SLBP: variants seen among roughly 807,000 people sequenced by gnomAD.
SLBP encodes the protein histone RNA hairpin-binding protein.
In SLBP, 29 loss-of-function variants were observed where a neutral mutation model predicts 39.2. That is an observed-to-expected ratio of 0.74 (90% CI 0.55 to 1.01). The LOEUF is 1.01. SLBP is among the 50% of genes least tolerant of loss of function. The pLI, the probability that SLBP is intolerant of heterozygous loss-of-function variation, is 0.00. For synonymous variants in SLBP, 129 were observed against 118.7 expected, an observed-to-expected ratio of 1.09 and a Z score of -0.57; for missense variants, 390 against 350.2, an observed-to-expected ratio of 1.11 and a Z score of -0.91.
Position 1,696,348 on chromosome 4 carries a change from G to A in SLBP, c.483C>T (p.His161=), listed in dbSNP as rs959439540. 1.0e-5 allele frequency: 16 copies of A among 1,571,322 alleles called. No individual in the cohort carries two copies. Among genetic ancestry groups the A allele is most frequent in the African/African-American group, 4.1e-5 (3 of 72,534 alleles). ...YDRYIKEVPR[H]LRQPGIHPKT... ...TGGGATGAATGCCAGGTTGTCGAAG[G>A]TGTCTACAGGAGAAAGATTATTCTA... Residue 161 remains histidine (H), a synonymous_variant, in exon 6 of 8, where the codon CAC becomes CAT. Coordinates refer to ENST00000489418, the MANE Select transcript of SLBP (RefSeq NM_006527.4).
chr4:1,705,519 C>G (rs1716484777), intron 2 of SLBP, among the ~76,000 whole-genome samples: 1 of 152,156 alleles, frequency 6.6e-6, no homozygotes, highest in South Asian at 2.1e-4. Flanking sequence ...TATCATGGGA[C>G]TGTCTTTAGT....
chr4:1,701,904 C>A (rs1201733257), intron 3 of SLBP, among the ~76,000 whole-genome samples: 1 of 152,110 alleles, frequency 6.6e-6, no homozygotes, highest in Non-Finnish European at 1.5e-5. Flanking sequence ...AAGACTCCAT[C>A]TCAAAAAAAT....
chr4:1,711,846 C>A (rs1336970996), intron 2 of SLBP, 28 bp downstream of exon 2: 1 of 1,224,160 alleles, frequency 8.2e-7, no homozygotes, highest in Non-Finnish European at 1.0e-6. Context: ...GGCCCCACCG[C>A]GCCCCGACCC....
chr4:1,709,461 G>C (rs1247878987), intron 2 of SLBP, among the ~76,000 whole-genome samples: 2 of 152,208 alleles, frequency 1.3e-5, no homozygotes, highest in African/African-American at 2.4e-5. Flanking sequence ...AATGTGGACA[G>C]ATTTGCAGGC....
At position 1,699,686 on chromosome 4, in the gene SLBP, C is replaced by T. The variant is rs151103970; in HGVS notation, c.357G>A (p.Glu119=). The T allele has an allele frequency of 3.3e-5, 54 of 1,613,690 alleles. No homozygotes were observed. The highest frequency in any genetic ancestry group is 4.3e-5 in the Non-Finnish European group (51 of 1,179,802). ...AGTCAGCCGGCACAGTAGACATAGA[C>T]TCCTTTGAATCAGAACTGAAAAAAC... ...KSSSGSSDSK[E]SMSTVPADFE... Residue 119 remains glutamate, a synonymous_variant, in exon 5 of 8, where the codon GAG becomes GAA. Transcript: ENST00000489418.
At position 1,703,650 on chromosome 4, in the gene SLBP, G is replaced by C. The variant is rs775011181; in HGVS notation, c.227C>G (p.Ala76Gly). The change falls in exon 3 of 8, where the codon GCA becomes GGA. Residue 76 changes from alanine to glycine, a missense_variant. Transcript: ENST00000489418. ...CATTTCATCTTCTTCAACTGCACTTGCCCAGTCAGAGCATCTGGAACGGGG... is the reference window on the plus strand; with the variant it reads ...CATTTCATCTTCTTCAACTGCACTTCCCCAGTCAGAGCATCTGGAACGGGG... ...PKPRSRCSDW[A>G]SAVEEDEMRT... 1.9e-6 allele frequency: 3 copies of C among 1,613,788 alleles called. No homozygotes were observed. Among genetic ancestry groups the C allele is most frequent in the Non-Finnish European group, 2.5e-6 (3 of 1,179,792 alleles).
At chr4:1,696,095 AGCT>A (rs1716094038) in intron 6 of SLBP, 104 bp downstream of exon 6, 2 of 942,986 alleles carry the variant, frequency 2.1e-6, no homozygotes, top group South Asian at 4.0e-5. Flanking sequence ...GCTCCCCAAC[AGCT>A]GCTGGGGGAC....
chr4:1,697,247 C>G (rs1362088677), intron 5 of SLBP, among the ~76,000 whole-genome samples: 2 of 146,066 alleles, frequency 1.4e-5, no homozygotes, highest in Non-Finnish European at 3.0e-5. Flanking sequence ...GCAGGCAGAT[C>G]ACCTGAGATC....
chr4:1,710,499 G>T (rs1404215419), intron 2 of SLBP, among the ~76,000 whole-genome samples: 1 of 152,200 alleles, frequency 6.6e-6, no homozygotes, highest in Non-Finnish European at 1.5e-5. Context: ...GACATACCTA[G>T]AAGAACACGA....
chr4:1,702,617 T>A (rs1036743422), intron 3 of SLBP, among the ~76,000 whole-genome samples: 1 of 152,226 alleles, frequency 6.6e-6, no homozygotes, highest in Non-Finnish European at 1.5e-5. Flanking sequence ...CAACTGGGTT[T>A]GAGTTAGACA....
chr4:1,695,026 G>A (rs904402421), intron 6 of SLBP, among the ~76,000 whole-genome samples, 186 bp from the exon 7 acceptor site: 1 of 152,194 alleles, frequency 6.6e-6, no homozygotes, highest in Non-Finnish European at 1.5e-5. Context: ...ATCCAGCAAA[G>A]AGAAAGCGGA....
intron 2 of SLBP, among the ~76,000 whole-genome samples, chr4:1,706,654 A>T (rs1226921608): frequency 6.6e-6 from 1 of 151,898 alleles, no homozygotes; most frequent in Non-Finnish European, 1.5e-5. Flanking sequence ...AAAATACAAA[A>T]ACTTGGCTAG....
chr4:1,694,929 A>C (rs1577176067), intron 6 of SLBP, 89 bp from the exon 7 acceptor site: 22 of 856,738 alleles, frequency 2.6e-5, no homozygotes. Flanking sequence ...TCCATATGGT[A>C]CAGCCACAAC....
Position 1,703,630 on chromosome 4 carries a change from C to T in SLBP, c.247G>A (p.Glu83Lys), listed in dbSNP as rs777375245. ...TCTTTGTTAACTCTGGTCCTCATTT[C>T]ATCTTCTTCAACTGCACTTGCCCAG... ...SDWASAVEED[E>K]MRTRVNKEMA... Residue 83 changes from glutamate to lysine, a missense_variant, in exon 3 of 8, where the codon GAA becomes AAA. Coordinates refer to ENST00000489418, the MANE Select transcript of SLBP (RefSeq NM_006527.4). 1 of 1,613,708 alleles carries T rather than the reference C, an allele frequency of 6.2e-7. No homozygotes were observed. The highest frequency in any genetic ancestry group is 1.1e-5 in the South Asian group (1 of 91,078).
chr4:1,696,416 G>A, intron 5 of SLBP, 65 bp from the exon 6 acceptor site: 1 of 1,321,346 alleles, frequency 7.6e-7, no homozygotes, highest in Non-Finnish European at 1.0e-6. Context: ...TTAGCCTGAA[G>A]ATTAACCAAA....
intron 2 of SLBP, among the ~76,000 whole-genome samples, chr4:1,706,817 C>T (rs1463409360): frequency 6.6e-6 from 1 of 151,486 alleles, no homozygotes; most frequent in African/African-American, 2.4e-5. Flanking sequence ...GAGAGAGACC[C>T]CGTCTCAAAA....
At chr4:1,700,694 G>A (rs2109120876) in intron 3 of SLBP, among the ~76,000 whole-genome samples, 1 of 152,082 alleles carries the variant, frequency 6.6e-6, no homozygotes, top group Non-Finnish European at 1.5e-5. Flanking sequence ...CAAGCAGCTA[G>A]GACTCCAGGC....
chr4:1,699,075 G>A (rs1428047867), intron 5 of SLBP, among the ~76,000 whole-genome samples: 5 of 152,142 alleles, frequency 3.3e-5, no homozygotes, highest in Admixed American at 2.6e-4. Context: ...CATTGCACCT[G>A]GCCCAGAAAT....
intron 2 of SLBP, 52 bp downstream of exon 2, chr4:1,711,822 G>C (rs1353744455): frequency 6.0e-6 from 6 of 1,000,754 alleles, no homozygotes; most frequent in East Asian, 3.3e-5. Flanking sequence ...CCTGGAGCCC[G>C]CGGCCTCGTC....
Sources: gnomAD v4.1 joint callset for allele counts (sites outside exome capture counted in the v4.1 genomes callset) on GRCh38, gnomAD v4.1.1 for gene constraint, MANE v1.5 for transcripts, NCBI Gene and HGNC (gene_info 2026-07-23, HGNC 2026-07-21) for gene names.